Variants in DNAJB6 observed in about 807,000 individuals in gnomAD.
DNAJB6 encodes the protein DnaJ heat shock protein family (Hsp40) member B6.
A neutral mutation model predicts 42.7 loss-of-function variants in DNAJB6; 16 were observed. The ratio of observed to expected loss-of-function variants is 0.37; its 90% CI spans 0.25 to 0.57. The LOEUF is 0.57. Among genes scored for constraint, DNAJB6 ranks in the 20% least tolerant of loss-of-function variants. DNAJB6 has a pLI of 0.74. For missense variants in DNAJB6, 347 were observed against 416.8 expected (o/e 0.83, Z 1.46); for synonymous variants, 170 against 163.5 (o/e 1.04, Z -0.30).
At chr7:157,412,504 A>G (rs1796008239) in intron 9 of DNAJB6, 2 of 152,224 alleles carry the variant, frequency 1.3e-5, no homozygotes, top group Admixed American at 1.3e-4. Flanking sequence ...TTGTAGCGAT[A>G]ACACAGGCTC....
intron 7 of DNAJB6, among the ~76,000 whole-genome samples, chr7:157,385,330 C>T (rs901655454): frequency 4.6e-5 from 7 of 152,228 alleles, no homozygotes; most frequent in African/African-American, 1.2e-4. Flanking sequence ...TCCGCCTGTA[C>T]GGTATTTGAG....
chr7:157,341,568 A>G (rs1304607987), intron 1 of DNAJB6, among the ~76,000 whole-genome samples: 6 of 152,066 alleles, frequency 3.9e-5, no homozygotes, highest in African/African-American at 1.4e-4. Context: ...TGTGTTTTAT[A>G]TTTGTGTTGT....
Position 157,340,998 on chromosome 7 carries a change from G to GCGTGTGCGCGCGCGCGCT in DNAJB6, c.-27+3856_-27+3857insTGTGCGCGCGCGCGCTCG, listed in dbSNP as rs1554450085. On this transcript the variant is annotated intron_variant, in intron 1 of 9. Transcript: ENST00000262177. The stretch of plus-strand genomic sequence containing the variant: ...TGTGTGTGTGTGTGTGTGTGTGTGT[G>GCGTGTGCGCGCGCGCGCT]CGCGCGCGCAGGTGGAATCACCCTG... Among the ~76,000 whole-genome samples, 614 of 135,046 alleles carry GCGTGTGCGCGCGCGCGCT rather than the reference G, an allele frequency of 4.5e-3. 2 individuals are homozygous for GCGTGTGCGCGCGCGCGCT. The highest frequency in any genetic ancestry group is 7.3e-3 in the Non-Finnish European group (475 of 64,720). 88.6% of individuals were successfully genotyped at this position (135,046 alleles called of 152,430 possible). A position where few individuals can be genotyped will look rare whatever the true frequency, so the allele number is the denominator to read the frequency against.
intron 8 of DNAJB6, among the ~76,000 whole-genome samples, chr7:157,398,763 A>C: frequency 6.6e-6 from 1 of 152,242 alleles, no homozygotes; most frequent in Non-Finnish European, 1.5e-5. Flanking sequence ...TTAGTAATTT[A>C]TAAGGTTTAA....
chr7:157,396,792 A>C (rs1801605830), intron 8 of DNAJB6, among the ~76,000 whole-genome samples: 1 of 152,144 alleles, frequency 6.6e-6, no homozygotes, highest in Non-Finnish European at 1.5e-5. Flanking sequence ...AGTTCGGGGC[A>C]GGGAGGCCAC....
chr7:157,343,348 AAG>A (rs1798516895), intron 1 of DNAJB6, among the ~76,000 whole-genome samples: 1 of 151,844 alleles, frequency 6.6e-6, no homozygotes, highest in African/African-American at 2.4e-5. Flanking sequence ...TTAGTAGAGA[AAG>A]GGGTTTGCCA....
intron 5 of DNAJB6, chr7:157,369,144 T>C (rs532178021): frequency 1.6e-4 from 60 of 384,982 alleles, no homozygotes; most frequent in Non-Finnish European, 2.6e-4. Context: ...ACCGGGAGAC[T>C]GGCGTGCTCA....
chr7:157,374,521 A>G (rs1177760641), intron 5 of DNAJB6, among the ~76,000 whole-genome samples: 1 of 152,060 alleles, frequency 6.6e-6, no homozygotes, highest in African/African-American at 2.4e-5. Context: ...GGCCACCCAG[A>G]GTGCTGGGAT....
chr7:157,380,726 C>T (rs535221420), intron 5 of DNAJB6: 1 of 152,368 alleles, frequency 6.6e-6, no homozygotes. Context: ...GTGACCAATT[C>T]TCCCAGTGTT....
intron 8 of DNAJB6, among the ~76,000 whole-genome samples, chr7:157,391,413 T>C (rs1801335496): frequency 6.6e-6 from 1 of 152,270 alleles, no homozygotes; most frequent in Admixed American, 6.5e-5. Flanking sequence ...ACGAGTCTTT[T>C]CAGCCGTATC....
chr7:157,413,789 C>T (rs968157299), intron 9 of DNAJB6: 2 of 137,734 alleles, frequency 1.5e-5, no homozygotes, highest in Admixed American at 1.6e-4. Context: ...GTGGCGTGAT[C>T]TCGGCTCACT....
At chr7:157,388,755 C>T (rs1401795226) in intron 8 of DNAJB6, among the ~76,000 whole-genome samples, 1 of 151,936 alleles carries the variant, frequency 6.6e-6, no homozygotes, top group Non-Finnish European at 1.5e-5. Context: ...TTTTTTAATC[C>T]CTGTTTGGCA....
intron 5 of DNAJB6, among the ~76,000 whole-genome samples, chr7:157,376,712 C>T (rs1800492387): frequency 1.3e-5 from 2 of 152,008 alleles, no homozygotes; most frequent in African/African-American, 4.8e-5. Flanking sequence ...GAAACACTAC[C>T]TCTACTAAAA....
At chr7:157,361,738 T>G (rs570193119) in intron 2 of DNAJB6, among the ~76,000 whole-genome samples, 8 of 140,926 alleles carry the variant, frequency 5.7e-5, no homozygotes, top group Admixed American at 3.7e-4. Flanking sequence ...ACTAGAGGAT[T>G]TTTTTGTATT....
intron 8 of DNAJB6, among the ~76,000 whole-genome samples, chr7:157,395,864 C>T (rs981477199): frequency 6.6e-6 from 1 of 151,658 alleles, no homozygotes; most frequent in Non-Finnish European, 1.5e-5. Flanking sequence ...CTCTGTTGGC[C>T]AGGCTGGTCT....
intron 2 of DNAJB6, among the ~76,000 whole-genome samples, chr7:157,358,948 T>C (rs560243469): frequency 7.2e-4 from 109 of 152,302 alleles, no homozygotes; most frequent in African/African-American, 2.5e-3. Context: ...TGAGTGCCCC[T>C]TTGGAAGGCA....
At chr7:157,373,374 A>G (rs537226248) in intron 5 of DNAJB6, among the ~76,000 whole-genome samples, 60 of 152,234 alleles carry the variant, frequency 3.9e-4, no homozygotes, top group African/African-American at 1.1e-3. Flanking sequence ...GCTCTGAGAC[A>G]GAGTTTTGCT....
chr7:157,390,458 C>G (rs1040732382), intron 8 of DNAJB6, among the ~76,000 whole-genome samples: 4 of 152,204 alleles, frequency 2.6e-5, no homozygotes, highest in Non-Finnish European at 5.9e-5. Context: ...CCTTCCTCTT[C>G]CCCCTAGCTG....
At chr7:157,342,177 A>T (rs1033481094) in intron 1 of DNAJB6, among the ~76,000 whole-genome samples, 2 of 146,186 alleles carry the variant, frequency 1.4e-5, no homozygotes, top group Admixed American at 6.8e-5. Context: ...TATAATAATA[A>T]TTTTTTTTGA....
Sources: allele counts gnomAD v4.1 joint callset (sites outside exome capture counted in the v4.1 genomes callset), GRCh38; gene constraint gnomAD v4.1.1; transcripts MANE v1.5; gene names NCBI Gene and HGNC (gene_info 2026-07-23, HGNC 2026-07-21).